The following STPG2 variants were observed in gnomAD, a reference collection of about 807,000 sequenced individuals.
STPG2 encodes the protein sperm-tail PG-rich repeat-containing protein 2.
STPG2 carries 56 observed loss-of-function variants against 54.2 expected under a neutral mutation model. The ratio of observed to expected loss-of-function variants is 1.03; its 90% CI spans 0.83 to 1.29. STPG2 has a LOEUF of 1.29. Among genes scored for constraint, STPG2 ranks in the 50% most tolerant of loss-of-function variants. STPG2 has a pLI of 0.00. For missense variants in STPG2, 596 were observed against 544.9 expected (o/e 1.09, Z -0.93); for synonymous variants, 200 against 181.8 (o/e 1.10, Z -0.81).
chr4:97,834,959 G>C (rs562486655), intron 9 of STPG2, among the ~76,000 whole-genome samples: 5 of 152,120 alleles, frequency 3.3e-5, no homozygotes, highest in African/African-American at 1.2e-4. Flanking sequence ...TAGGATTAAG[G>C]GTTCTCTTAT....
intron 10 of STPG2, among the ~76,000 whole-genome samples, chr4:97,613,505 T>A (rs1733783663): frequency 7.3e-6 from 1 of 136,158 alleles, no homozygotes; most frequent in African/African-American, 3.6e-5. Flanking sequence ...TGTGTGTGTG[T>A]GTGTGTGTGT....
chr4:97,900,201 T>C (rs1364426978), intron 8 of STPG2, among the ~76,000 whole-genome samples: 3 of 152,060 alleles, frequency 2.0e-5, no homozygotes, highest in African/African-American at 7.2e-5. Context: ...ATTATACAAA[T>C]GCAAATCAAA....
intron 5 of STPG2, among the ~76,000 whole-genome samples, chr4:98,051,992 C>A (rs149336639): frequency 6.6e-6 from 1 of 150,526 alleles, no homozygotes; most frequent in African/African-American, 2.4e-5. Flanking sequence ...GAGGCTGAGG[C>A]AGGAGAATCA....
chr4:97,482,933 C>A (rs572709122), intron 4 of STPG2, among the ~76,000 whole-genome samples: 15 of 151,712 alleles, frequency 9.9e-5, no homozygotes, highest in Non-Finnish European at 2.1e-4. Flanking sequence ...AATTATTAGC[C>A]AAGAATTTTG....
chr4:97,495,533 T>C (rs1730591214), intron 4 of STPG2, among the ~76,000 whole-genome samples: 2 of 151,374 alleles, frequency 1.3e-5, no homozygotes, highest in Non-Finnish European at 3.0e-5. Flanking sequence ...AAGGGAGTAA[T>C]ATATTATGCA....
intron 8 of STPG2, among the ~76,000 whole-genome samples, chr4:97,933,801 C>A (rs1231236266): frequency 6.6e-6 from 1 of 152,130 alleles, no homozygotes; most frequent in Admixed American, 6.6e-5. Context: ...CAGTGTGATG[C>A]CTCCAGCTTT....
In STPG2 at chr4:97,808,519, A is replaced by C. The variant is rs1578583064; in HGVS notation, c.1204+32254T>G. 1.3e-5 allele frequency among the ~76,000 whole-genome samples: 2 copies of C among 151,786 alleles called. 1 individual carries two copies. The highest frequency in any genetic ancestry group is 4.1e-4 in the South Asian group (2 of 4,834). On this transcript the variant is annotated intron_variant, in intron 9 of 10. Transcript: ENST00000295268. Reference sequence around the variant, plus strand: ...AATAATTTTTCAAAATCCTAAAAATACTCAAATCATAAAGGCAATAAAAAC... The same window carrying C: ...AATAATTTTTCAAAATCCTAAAAATCCTCAAATCATAAAGGCAATAAAAAC...
chr4:98,042,728 A>G (rs1302576110), intron 5 of STPG2, among the ~76,000 whole-genome samples: 1 of 151,952 alleles, frequency 6.6e-6, no homozygotes, highest in Non-Finnish European at 1.5e-5. Flanking sequence ...ACCTGAAAAA[A>G]TCTATCTTGG....
At chr4:98,084,472 G>A (rs975229543) in intron 5 of STPG2, among the ~76,000 whole-genome samples, 3 of 152,116 alleles carry the variant, frequency 2.0e-5, no homozygotes, top group African/African-American at 4.8e-5. Context: ...TCTGTTACAC[G>A]AATAGGAGTG....
chr4:98,028,965 T>C (rs1736510851), intron 5 of STPG2, among the ~76,000 whole-genome samples: 1 of 152,166 alleles, frequency 6.6e-6, no homozygotes, highest in Non-Finnish European at 1.5e-5. Flanking sequence ...GGAAGTATGT[T>C]GCTCAATTTC....
chr4:97,722,454 A>C (rs1461877037), intron 9 of STPG2, among the ~76,000 whole-genome samples: 1 of 152,152 alleles, frequency 6.6e-6, no homozygotes, highest in Admixed American at 6.5e-5. Context: ...TTAAAATCAG[A>C]GCCTTATGTG....
intron 10 of STPG2, among the ~76,000 whole-genome samples, chr4:97,616,924 T>G (rs927863968): frequency 2.6e-5 from 4 of 152,124 alleles, no homozygotes; most frequent in African/African-American, 7.2e-5. Context: ...TTATTTTAAA[T>G]TCATGAAGTT....
intron 7 of STPG2, among the ~76,000 whole-genome samples, chr4:97,945,551 CTT>C (rs1733179470): frequency 6.6e-6 from 1 of 151,314 alleles, no homozygotes; most frequent in African/African-American, 2.5e-5. Flanking sequence ...AATGTATTGA[CTT>C]ATTTTCCATT....
At chr4:98,064,389 T>G (rs1737759037) in intron 5 of STPG2, among the ~76,000 whole-genome samples, 2 of 152,224 alleles carry the variant, frequency 1.3e-5, no homozygotes, top group Admixed American at 6.5e-5. Context: ...CATCATTAAT[T>G]CTTTCCTAAA....
chr4:97,798,033 A>G (rs969543099), intron 9 of STPG2, among the ~76,000 whole-genome samples: 5 of 152,096 alleles, frequency 3.3e-5, no homozygotes. Context: ...CAGTGGTGAT[A>G]TCCTCTTTAT....
At chr4:98,015,341 G>T (rs945203805) in intron 5 of STPG2, among the ~76,000 whole-genome samples, 2 of 150,512 alleles carry the variant, frequency 1.3e-5, no homozygotes, top group Non-Finnish European at 3.0e-5. Context: ...AATCTACAAA[G>T]AATTTAAACA....
At chr4:97,635,035 T>C (rs1457143531) in intron 10 of STPG2, among the ~76,000 whole-genome samples, 1 of 152,008 alleles carries the variant, frequency 6.6e-6, no homozygotes, top group Non-Finnish European at 1.5e-5. Flanking sequence ...AGACACATAA[T>C]TGTCAGATTC....
intron 8 of STPG2, among the ~76,000 whole-genome samples, chr4:97,910,044 T>G (rs537684039): frequency 6.6e-6 from 1 of 152,294 alleles, no homozygotes; most frequent in South Asian, 2.1e-4. Context: ...GCAGAAAAAC[T>G]TGTGACTATA....
At chr4:98,005,151 G>C (rs1735537997) in intron 5 of STPG2, among the ~76,000 whole-genome samples, 1 of 152,092 alleles carries the variant, frequency 6.6e-6, no homozygotes, top group Admixed American at 6.6e-5. Context: ...GAAAGAAGAA[G>C]GCCAGAAGAC....
Sources: gnomAD v4.1 joint callset for allele counts (sites outside exome capture counted in the v4.1 genomes callset) on GRCh38, gnomAD v4.1.1 for gene constraint, MANE v1.5 for transcripts, NCBI Gene and HGNC (gene_info 2026-07-23, HGNC 2026-07-21) for gene names.